GPATCH8: variants seen among roughly 807,000 people sequenced by gnomAD.
GPATCH8 encodes the protein G-patch domain containing 8.
Under a neutral mutation model 118.3 loss-of-function variants are expected in GPATCH8, and 18 were observed. The ratio of observed to expected loss-of-function variants is 0.15; its 90% confidence interval spans 0.11 to 0.23. The LOEUF (loss-of-function observed/expected upper bound fraction) is 0.23. Among genes scored for constraint, GPATCH8 ranks in the 10% least tolerant of loss-of-function variants. GPATCH8 has a pLI of 1.00. For missense variants in GPATCH8, 1,631 were observed against 1,873.8 expected (o/e 0.87, Z 2.39); for synonymous variants, 659 against 684.7 (o/e 0.96, Z 0.59).
chr17:44,490,137 AT>A (rs1314220198), intron 1 of GPATCH8, among the ~76,000 whole-genome samples: 1 of 151,836 alleles, frequency 6.6e-6, no homozygotes, highest in Non-Finnish European at 1.5e-5. Context: ...ATCTTTACAA[AT>A]TTTTTTTAAT....
At position 44,399,460 on chromosome 17, in the gene GPATCH8, T is replaced by C. The variant is rs764648963; in HGVS notation, c.2617A>G (p.Ser873Gly). 8 of 1,614,074 alleles carry C rather than the reference T, an allele frequency of 5.0e-6. No homozygotes were observed. The highest frequency in any genetic ancestry group is 1.6e-4 in the Middle Eastern group (1 of 6,084). The change falls in exon 8 of 8, where the codon AGC becomes GGC. Residue 873 changes from serine (S) to glycine (G), a missense_variant. Ser to Gly is a moderately conservative substitution (Grantham distance 56). This residue lies in a region of GPATCH8 where 922 missense variants were observed against 879.7 expected (regional missense o/e 1.05). Transcript: ENST00000591680. ...CTCTGGTCTGAAGAGGCATCTGAGC[T>C]ACTTGAGTAAGAACGCCGGGAGGAA... ...HRSSRRSYSS[S>G]SDASSDQSCY...
chr17:44,461,771 G>A (rs1289682367), intron 3 of GPATCH8, among the ~76,000 whole-genome samples: 2 of 151,856 alleles, frequency 1.3e-5, no homozygotes, highest in Non-Finnish European at 2.9e-5. Flanking sequence ...AAGGGTCACT[G>A]CAGCCTCAAC....
chr17:44,437,945 GA>G (rs752307910), intron 3 of GPATCH8, among the ~76,000 whole-genome samples: 18 of 63,674 alleles, frequency 2.8e-4, no homozygotes, highest in Non-Finnish European at 4.6e-4. Context: ...TCTCATGTCA[GA>G]AAAAAAAAAA....
At chr17:44,430,713 G>A (rs1477167971) in intron 5 of GPATCH8, among the ~76,000 whole-genome samples, 1 of 151,788 alleles carries the variant, frequency 6.6e-6, no homozygotes, top group Non-Finnish European at 1.5e-5. Context: ...TGCGATCTTG[G>A]CTCACTGCAA....
At chr17:44,403,626 C>T (rs2049109509) in intron 7 of GPATCH8, among the ~76,000 whole-genome samples, 1 of 152,096 alleles carries the variant, frequency 6.6e-6, no homozygotes, top group African/African-American at 2.4e-5. Flanking sequence ...TCCTTGTTAT[C>T]CAAACCCTAG....
At chr17:44,430,358 T>A (rs1319829420) in intron 5 of GPATCH8, among the ~76,000 whole-genome samples, 2 of 151,998 alleles carry the variant, frequency 1.3e-5, no homozygotes, top group Non-Finnish European at 2.9e-5. Context: ...TGGTTCAACA[T>A]ACAAAAATCA....
intron 3 of GPATCH8, among the ~76,000 whole-genome samples, chr17:44,460,498 T>C (rs949608688): frequency 6.6e-6 from 1 of 152,190 alleles, no homozygotes; most frequent in Admixed American, 6.5e-5. Flanking sequence ...CTGCATGCCC[T>C]ATTCTCCAAT....
At chr17:44,482,300 G>A (rs761766493) in intron 1 of GPATCH8, among the ~76,000 whole-genome samples, 2 of 151,784 alleles carry the variant, frequency 1.3e-5, no homozygotes, top group Non-Finnish European at 2.9e-5. Context: ...GAGGCTGGGC[G>A]CAGTGGGTCA....
At chr17:44,414,106 T>C (rs549242313) in intron 6 of GPATCH8, among the ~76,000 whole-genome samples, 2 of 91,402 alleles carry the variant, frequency 2.2e-5, no homozygotes, top group South Asian at 5.6e-4. Flanking sequence ...TATATGTGTG[T>C]ATATATATAT....
intron 5 of GPATCH8, among the ~76,000 whole-genome samples, chr17:44,429,290 T>C (rs1320428602): frequency 6.6e-6 from 1 of 152,156 alleles, no homozygotes; most frequent in Non-Finnish European, 1.5e-5. Flanking sequence ...GACCCTTCCA[T>C]GAATCTGAAG....
At chr17:44,502,380 C>T (rs1423526093) in intron 1 of GPATCH8, among the ~76,000 whole-genome samples, 1 of 147,048 alleles carries the variant, frequency 6.8e-6, no homozygotes, top group Non-Finnish European at 1.5e-5. Flanking sequence ...TTTTTTGAGA[C>T]TCTACGGATG....
In GPATCH8 at chr17:44,454,422, A is replaced by G. The variant is rs558612655; in HGVS notation, c.193+10050T>C. 4.3e-4 allele frequency among the ~76,000 whole-genome samples: 65 copies of G among 152,280 alleles called. 1 individual carries two copies. Among genetic ancestry groups the G allele is most frequent in the African/African-American group, 1.6e-3 (65 of 41,566 alleles). ...ACAGGCACATGCCACTGGAACTGCA[A>G]CTTCTTTTCTGATTGTTATTTTGCC... On this transcript the variant is annotated intron_variant, in intron 3 of 7. Transcript: ENST00000591680.
At chr17:44,496,104 T>C (rs1459904427) in intron 1 of GPATCH8, among the ~76,000 whole-genome samples, 1 of 152,142 alleles carries the variant, frequency 6.6e-6, no homozygotes, top group East Asian at 1.9e-4. Context: ...CCTGACCCCG[T>C]GTGATCCACC....
chr17:44,415,916 G>C (rs1298305853), intron 6 of GPATCH8, among the ~76,000 whole-genome samples: 2 of 152,210 alleles, frequency 1.3e-5, no homozygotes, highest in African/African-American at 4.8e-5. Context: ...GTTTACCCTG[G>C]CAACATTAGG....
intron 3 of GPATCH8, among the ~76,000 whole-genome samples, chr17:44,450,992 A>G (rs2051092290): frequency 6.6e-6 from 1 of 152,250 alleles, no homozygotes; most frequent in Non-Finnish European, 1.5e-5. Context: ...CTTCACAATT[A>G]AAACAATCAT....
At chr17:44,437,962 A>C (rs960495747) in intron 3 of GPATCH8, among the ~76,000 whole-genome samples, 3 of 108,818 alleles carry the variant, frequency 2.8e-5, no homozygotes, top group African/African-American at 5.7e-5. Flanking sequence ...AAAAAAAACA[A>C]AACAACAACT....
intron 6 of GPATCH8, among the ~76,000 whole-genome samples, chr17:44,424,029 T>C (rs1472546284): frequency 6.6e-6 from 1 of 152,120 alleles, no homozygotes; most frequent in Non-Finnish European, 1.5e-5. Context: ...AGAGCAGAAA[T>C]GGAAACAAAG....
At chr17:44,456,319 T>C (rs926897639) in intron 3 of GPATCH8, among the ~76,000 whole-genome samples, 1 of 152,120 alleles carries the variant, frequency 6.6e-6, no homozygotes, top group Non-Finnish European at 1.5e-5. Context: ...TCTTGTTATA[T>C]TGTCTAGGTT....
chr17:44,399,373 G>A lies in GPATCH8; in HGVS notation c.2704C>T (p.Arg902Ter). The change falls in exon 8 of 8, where the codon CGA (arginine) becomes TGA (stop). Residue 902 changes from arginine to a stop codon, truncating the protein, a stop_gained. Coordinates refer to ENST00000591680, the MANE Select transcript of GPATCH8 (RefSeq NM_001002909.4). LOFTEE classifies it high-confidence loss of function. ...TCATGGGAGCGCTTGGAGTGCCTTC[G>A]TGATCTGTCACTGTAGTCACTGTAG... ...DSYSDYSDRS[R>*]RHSKRSHDSD... 1 of 1,614,078 alleles carries A rather than the reference G, an allele frequency of 6.2e-7. No homozygotes were observed. Among genetic ancestry groups the A allele is most frequent in the Non-Finnish European group, 8.5e-7 (1 of 1,179,942 alleles).
Sources: allele counts gnomAD v4.1 joint callset (sites outside exome capture counted in the v4.1 genomes callset), GRCh38; gene constraint gnomAD v4.1.1; regional missense constraint gnomAD v4.1.1; transcripts MANE v1.5; gene names NCBI Gene and HGNC (gene_info 2026-07-23, HGNC 2026-07-21).